ZNF469: variants seen among roughly 807,000 people sequenced by gnomAD.
The protein encoded by ZNF469 is zinc finger protein 469.
A neutral mutation model predicts 1.0 loss-of-function variants in ZNF469; 1 was observed. The observed-to-expected ratio is 1.00, with a 90% CI of 0.35 to 4.73. The LOEUF is 4.73. Among genes scored for constraint, ZNF469 ranks in the 30% most tolerant of loss-of-function variants. The pLI is 0.16. For synonymous variants in ZNF469, 2,703 were observed against 2,363.4 expected (o/e 1.14, Z -4.17); for missense variants, 6,100 against 5,356.3 (o/e 1.14, Z -4.33).
At chr16:88,155,451 AC>A in the ZNF469 span, among the ~76,000 whole-genome samples, 1 of 152,190 alleles carries the variant, frequency 6.6e-6, no homozygotes, top group African/African-American at 2.4e-5. Flanking sequence ...AACTGTCCCC[AC>A]TGAGCAGCCA....
At chr16:88,282,257 C>T in the ZNF469 span, among the ~76,000 whole-genome samples, 1 of 152,252 alleles carries the variant, frequency 6.6e-6, no homozygotes, top group East Asian at 1.9e-4. Context: ...AGGGGTGCAC[C>T]TTGTGGATGG....
At chr16:88,103,570 G>T in the ZNF469 span, among the ~76,000 whole-genome samples, 1 of 152,188 alleles carries the variant, frequency 6.6e-6, no homozygotes, top group Non-Finnish European at 1.5e-5. Context: ...TAATCCCTTG[G>T]GGGGGATCAG....
chr16:88,186,235 G>A, the ZNF469 span, among the ~76,000 whole-genome samples: 2 of 152,206 alleles, frequency 1.3e-5, no homozygotes, highest in African/African-American at 2.4e-5. Context: ...AGTCCTTCAC[G>A]TTCAAGGATG....
the ZNF469 span, among the ~76,000 whole-genome samples, chr16:88,138,382 G>A: frequency 6.5e-4 from 99 of 152,280 alleles, 2 homozygotes; most frequent in South Asian, 0.011. Flanking sequence ...GCCTGGGAGC[G>A]CCCAGCGGGT....
At chr16:88,391,089 G>C (rs1904479762) in intron 1 of ZNF469, among the ~76,000 whole-genome samples, 1 of 152,246 alleles carries the variant, frequency 6.6e-6, no homozygotes, top group African/African-American at 2.4e-5. Flanking sequence ...TTGCATTTGG[G>C]AGGTGTGATA....
At chr16:88,155,827 C>T in the ZNF469 span, among the ~76,000 whole-genome samples, 1 of 152,200 alleles carries the variant, frequency 6.6e-6, no homozygotes, top group Non-Finnish European at 1.5e-5. Flanking sequence ...AGTGGAATTG[C>T]TGTGTTTAAC....
the ZNF469 span, among the ~76,000 whole-genome samples, chr16:88,226,747 A>G: frequency 0.012 from 822 of 68,458 alleles, 4 homozygotes; most frequent in Non-Finnish European, 0.018. Flanking sequence ...CCGCCCCCCA[A>G]CCCCCACCTC....
At chr16:88,421,516 C>T (rs1352233513) in intron 1 of ZNF469, among the ~76,000 whole-genome samples, 1 of 152,168 alleles carries the variant, frequency 6.6e-6, no homozygotes, top group Non-Finnish European at 1.5e-5. Context: ...GACTGGGACG[C>T]GTCCCCGAGC....
chr16:88,152,989 G>C, the ZNF469 span, among the ~76,000 whole-genome samples: 36,809 of 152,212 alleles, frequency 0.24, 5,304 homozygotes, highest in East Asian at 0.52. The surrounding 1 kb of genome is among the most constrained non-coding windows in gnomAD (Gnocchi z 4.2). Context: ...CCCCAGCACC[G>C]TGGCTCCGGC....
At chr16:88,417,547 C>T (rs1027540038) in intron 1 of ZNF469, among the ~76,000 whole-genome samples, 21 of 152,314 alleles carry the variant, frequency 1.4e-4, no homozygotes, top group African/African-American at 5.0e-4. Flanking sequence ...CCAGTCCCCG[C>T]AAGCCAGATG....
the ZNF469 span, among the ~76,000 whole-genome samples, chr16:88,342,853 G>A: frequency 6.6e-6 from 1 of 152,250 alleles, no homozygotes; most frequent in African/African-American, 2.4e-5. Context: ...TCAAGCCCTT[G>A]TCGGGACCCA....
chr16:88,268,317 C>G, the ZNF469 span, among the ~76,000 whole-genome samples: 3 of 152,042 alleles, frequency 2.0e-5, no homozygotes, highest in Admixed American at 1.3e-4. Context: ...GTCTGTACAT[C>G]AACAACATTG....
chr16:88,429,324 C>T lies in ZNF469; in HGVS notation c.1854C>T (p.Pro618=), dbSNP rs1445556177. Reference sequence around the variant, plus strand: ...CGATGTCCAGCAGCCCAGCCAACCCCAGCTCAGAGGAAAGCCAGCTCCCCG... The same window carrying T: ...CGATGTCCAGCAGCCCAGCCAACCCTAGCTCAGAGGAAAGCCAGCTCCCCG... ...LSPMSSSPAN[P]SSEESQLPGP... Residue 618 remains proline, a synonymous_variant, in exon 3 of 3, where the codon CCC becomes CCT. Coordinates refer to ENST00000565624, the MANE Select transcript of ZNF469 (RefSeq NM_001367624.2). 1 of 1,549,974 alleles carries T rather than the reference C, an allele frequency of 6.5e-7. No individual in the cohort carries two copies. The highest frequency in any genetic ancestry group is 2.4e-5 in the East Asian group (1 of 40,916).
chr16:88,261,840 C>G, the ZNF469 span, among the ~76,000 whole-genome samples: 1 of 152,226 alleles, frequency 6.6e-6, no homozygotes, highest in African/African-American at 2.4e-5. This position sits in a 1 kb window ranked among gnomAD's most constrained non-coding sequence, Gnocchi z 6.0. Context: ...GGTGAAGGCT[C>G]TTTGCTGGCT....
the ZNF469 span, among the ~76,000 whole-genome samples, chr16:88,374,718 A>ATGTGCGGTGGGCTGAGCTCGGCGCCG: frequency 0.17 from 25,484 of 151,560 alleles, 2,807 homozygotes; most frequent in African/African-American, 0.32. Flanking sequence ...GCTCAGCACC[A>ATGTGCGGTGGGCTGAGCTCGGCGCCG]TGTGCGGTGG....
At chr16:88,387,562 G>GTAGA (rs1202962035) in intron 1 of ZNF469, among the ~76,000 whole-genome samples, 2 of 152,238 alleles carry the variant, frequency 1.3e-5, no homozygotes, top group Non-Finnish European at 2.9e-5. Context: ...GCGTCAAACG[G>GTAGA]TAGACTTCCT....
the ZNF469 span, among the ~76,000 whole-genome samples, chr16:88,206,778 T>C: frequency 6.8e-6 from 1 of 147,562 alleles, no homozygotes; most frequent in Non-Finnish European, 1.5e-5. Flanking sequence ...TCCCACTTGG[T>C]ATCTCTGTGG....
the ZNF469 span, among the ~76,000 whole-genome samples, chr16:88,165,643 C>T: frequency 6.6e-6 from 1 of 152,198 alleles, no homozygotes; most frequent in African/African-American, 2.4e-5. Flanking sequence ...ATAAGACGTA[C>T]TATCTTAACC....
chr16:88,239,699 ATATATATATATATATATTTTTT>A, the ZNF469 span, among the ~76,000 whole-genome samples: 3 of 12,234 alleles, frequency 2.5e-4, no homozygotes, highest in Non-Finnish European at 4.1e-4. Flanking sequence ...ATATATATAT[ATATATATATATATATATTTTTT>A]TTTTTTTTTT....
Sources: gnomAD v4.1 joint callset for allele counts (sites outside exome capture counted in the v4.1 genomes callset) on GRCh38, gnomAD v4.1.1 for gene constraint, Gnocchi (gnomAD v3.1) non-coding constraint, MANE v1.5 for transcripts, NCBI Gene and HGNC (gene_info 2026-07-23, HGNC 2026-07-21) for gene names.